The following TENM4 variants were observed in gnomAD, a reference collection of about 807,000 sequenced individuals.
TENM4 encodes teneurin transmembrane protein 4, also known as teneurin-4.
A neutral mutation model predicts 243.3 loss-of-function variants in TENM4; 82 were observed. The observed-to-expected ratio is 0.34, with a 90% confidence interval of 0.28 to 0.40. TENM4 has a LOEUF of 0.40. Ranked by LOEUF, TENM4 falls within the 10% of genes least tolerant of loss-of-function variation. The pLI is 1.00. For missense variants in TENM4, 3,138 were observed against 3,673.3 expected, an observed-to-expected ratio of 0.85 and a Z score of 3.77; for synonymous variants, 1,412 against 1,456.3, an observed-to-expected ratio of 0.97 and a Z score of 0.69.
intron 30 of TENM4, among the ~76,000 whole-genome samples, chr11:78,672,937 A>ACAATCAGGGCTTCTG (rs1310494073): frequency 6.6e-6 from 1 of 151,804 alleles, no homozygotes; most frequent in African/African-American, 2.4e-5. Context: ...GCTTGCCACT[A>ACAATCAGGGCTTCTG]CAATCAGGGC....
chr11:79,287,044 G>A (rs1856269119), intron 2 of TENM4, among the ~76,000 whole-genome samples: 1 of 152,222 alleles, frequency 6.6e-6, no homozygotes, highest in Non-Finnish European at 1.5e-5. Context: ...AAACTCGTAG[G>A]AGATAGAATT....
chr11:79,410,466 C>A (rs1030618632), intron 1 of TENM4, among the ~76,000 whole-genome samples: 1 of 152,196 alleles, frequency 6.6e-6, no homozygotes, highest in African/African-American at 2.4e-5. Context: ...GGGCTCAATA[C>A]ATATTAACTG....
chr11:79,345,221 G>C (rs550277853), intron 1 of TENM4, among the ~76,000 whole-genome samples: 1 of 152,156 alleles, frequency 6.6e-6, no homozygotes, highest in South Asian at 2.1e-4. Context: ...CAAGAAACAC[G>C]GGTGGATTTC....
intron 2 of TENM4, among the ~76,000 whole-genome samples, chr11:79,252,454 G>A (rs1855627769): frequency 6.6e-6 from 1 of 152,104 alleles, no homozygotes; most frequent in Non-Finnish European, 1.5e-5. Flanking sequence ...GATCAGGCTG[G>A]CCTCGAACTC....
intron 1 of TENM4, among the ~76,000 whole-genome samples, chr11:79,420,257 A>G (rs1858902674): frequency 6.6e-6 from 1 of 152,156 alleles, no homozygotes; most frequent in African/African-American, 2.4e-5. Context: ...ATAGGTTGGG[A>G]AGGGTTAGAA....
Position 79,221,608 on chromosome 11 carries a change from G to A in TENM4, c.-264-5699C>T, listed in dbSNP as rs116881593. On this transcript the variant is annotated intron_variant, in intron 2 of 33. Transcript: ENST00000278550. ...CTCAGAGCCCAGTGGAAATCCCTGT[G>A]CGTGCTCACCCCTGCCTCTCCTCCC... Among the ~76,000 whole-genome samples, 905 of 151,884 alleles carry A rather than the reference G, an allele frequency of 6.0e-3. 7 individuals carry two copies. The highest frequency in any genetic ancestry group is 9.3e-3 in the Non-Finnish European group (635 of 67,982).
chr11:78,847,884 G>C (rs971361471), intron 12 of TENM4, among the ~76,000 whole-genome samples: 7 of 152,142 alleles, frequency 4.6e-5, no homozygotes, highest in African/African-American at 1.7e-4. Context: ...TAATGTCAGA[G>C]ATTTTTCTCT....
intron 2 of TENM4, among the ~76,000 whole-genome samples, chr11:79,293,310 C>T (rs1246101993): frequency 5.3e-5 from 8 of 151,870 alleles, no homozygotes; most frequent in Admixed American, 5.2e-4. Flanking sequence ...CACGGTGGGT[C>T]ACACTTGGCA....
intron 33 of TENM4, 119 bp downstream of exon 33, chr11:78,661,330 C>T: frequency 7.5e-7 from 1 of 1,325,908 alleles, no homozygotes. Context: ...CTCTGGCAGG[C>T]ACTGTGGAGG....
chr11:78,792,137 A>C (rs906236797), intron 15 of TENM4, among the ~76,000 whole-genome samples: 1 of 152,194 alleles, frequency 6.6e-6, no homozygotes, highest in Non-Finnish European at 1.5e-5. Context: ...TGTGTACACT[A>C]TGCTGTGTAT....
chr11:79,140,395 C>CTGAG (rs1402145488), intron 4 of TENM4, among the ~76,000 whole-genome samples: 1 of 152,078 alleles, frequency 6.6e-6, no homozygotes, highest in African/African-American at 2.4e-5. Context: ...ACCTATTTAC[C>CTGAG]TGAGTGGGTG....
chr11:78,701,451 C>T, intron 28 of TENM4, 75 bp downstream of exon 28: 6 of 1,453,972 alleles, frequency 4.1e-6, no homozygotes, highest in Non-Finnish European at 5.5e-6. Context: ...AAATAAAATA[C>T]TCGATCAATT....
intron 3 of TENM4, among the ~76,000 whole-genome samples, chr11:79,173,846 C>T (rs1392630675): frequency 6.6e-6 from 1 of 152,108 alleles, no homozygotes; most frequent in Non-Finnish European, 1.5e-5. Flanking sequence ...AATTTAGCAG[C>T]CGCATTTAGC....
chr11:78,769,400 T>G (rs975378644), intron 18 of TENM4, among the ~76,000 whole-genome samples: 1 of 152,060 alleles, frequency 6.6e-6, no homozygotes, highest in Non-Finnish European at 1.5e-5. Context: ...CACCTTCTGA[T>G]GAATGCTTTC....
chr11:79,336,392 C>T (rs1033822460), intron 1 of TENM4, among the ~76,000 whole-genome samples: 1 of 151,974 alleles, frequency 6.6e-6, no homozygotes, highest in African/African-American at 2.4e-5. Context: ...TATTAGATGA[C>T]AGAGGAAAAA....
At chr11:79,033,137 T>G (rs1859288655) in intron 6 of TENM4, among the ~76,000 whole-genome samples, 1 of 152,060 alleles carries the variant, frequency 6.6e-6, no homozygotes, top group Non-Finnish European at 1.5e-5. Flanking sequence ...ACCTACTAGA[T>G]ATCTATGCAA....
intron 29 of TENM4, among the ~76,000 whole-genome samples, chr11:78,676,820 T>A (rs1415709165): frequency 1.3e-5 from 2 of 152,216 alleles, no homozygotes; most frequent in Non-Finnish European, 2.9e-5. Context: ...TTCCAGTTTT[T>A]CAGAATTATA....
chr11:78,658,821 T>C lies in TENM4; in HGVS notation c.7552-5A>G, dbSNP rs1209112377. ...ACACTGTACCCCGAGGATAGACTGA[T>C]GGGGGAGGAGAGTGAGAGAGAGAGT... On this transcript the variant is annotated splice_region_variant and splice_polypyrimidine_tract_variant and intron_variant, in intron 33 of 33. Coordinates refer to ENST00000278550, the MANE Select transcript of TENM4 (RefSeq NM_001098816.3). 4 of 1,605,542 alleles carry C rather than the reference T, an allele frequency of 2.5e-6. No homozygotes were observed. Among genetic ancestry groups the C allele is most frequent in the East Asian group, 2.2e-5 (1 of 44,646 alleles).
intron 4 of TENM4, among the ~76,000 whole-genome samples, chr11:79,095,436 G>A (rs558671635): frequency 6.6e-6 from 1 of 152,312 alleles, no homozygotes; most frequent in South Asian, 2.1e-4. Context: ...TTAATAGCAA[G>A]TATATATTCC....
Sources: gnomAD v4.1 joint callset for allele counts (sites outside exome capture counted in the v4.1 genomes callset) on GRCh38, gnomAD v4.1.1 for gene constraint, MANE v1.5 for transcripts, NCBI Gene and HGNC (gene_info 2026-07-23, HGNC 2026-07-21) for gene names.